Variants in PPFIA2 observed in about 807,000 individuals in gnomAD.
PPFIA2 encodes the protein PPFI scaffold protein A2.
PPFIA2 carries 46 observed loss-of-function variants against 175.5 expected under a neutral mutation model. The observed-to-expected ratio is 0.26, with a 90% CI of 0.21 to 0.34. The LOEUF is 0.34. Ranked by LOEUF, PPFIA2 falls within the 10% of genes least tolerant of loss-of-function variation. The probability of loss-of-function intolerance (pLI) is 1.00; values close to 1 mark genes in which losing one functional copy is unlikely to be tolerated. For missense variants in PPFIA2, 1,179 were observed against 1,506.1 expected (o/e 0.78, Z 3.60); for synonymous variants, 568 against 511.4 (o/e 1.11, Z -1.49).
intron 4 of PPFIA2, among the ~76,000 whole-genome samples, chr12:81,561,736 T>C (rs929678867): frequency 1.3e-5 from 2 of 152,096 alleles, no homozygotes; most frequent in African/African-American, 4.8e-5. Flanking sequence ...CGGTTTCTTA[T>C]GTGAAAGCCA....
At chr12:81,584,178 A>G (rs1461048820) in intron 4 of PPFIA2, among the ~76,000 whole-genome samples, 2 of 151,764 alleles carry the variant, frequency 1.3e-5, no homozygotes, top group African/African-American at 4.8e-5. Context: ...AGTGTATGCA[A>G]ATATTTGAAA....
chr12:81,546,059 G>C (rs2066935576), intron 4 of PPFIA2: 1 of 150,356 alleles, frequency 6.7e-6, no homozygotes, highest in South Asian at 2.1e-4. Context: ...GGGAGGCAGA[G>C]GTTGCAGTGA....
chr12:81,635,796 T>A (rs546806947), intron 4 of PPFIA2, among the ~76,000 whole-genome samples: 2 of 152,236 alleles, frequency 1.3e-5, no homozygotes, highest in Non-Finnish European at 2.9e-5. Flanking sequence ...CTAACATAAT[T>A]TCTGCCGAAG....
intron 4 of PPFIA2, among the ~76,000 whole-genome samples, chr12:81,614,732 T>C (rs1157218753): frequency 1.3e-5 from 2 of 152,188 alleles, no homozygotes; most frequent in African/African-American, 4.8e-5. Flanking sequence ...GCAATAACAA[T>C]GACCCCATAG....
At chr12:81,756,660 A>G (rs147956502) in intron 2 of PPFIA2, among the ~76,000 whole-genome samples, 1 of 152,208 alleles carries the variant, frequency 6.6e-6, no homozygotes, top group African/African-American at 2.4e-5. Flanking sequence ...GAGGGCCAAT[A>G]ATCTATGCTT....
chr12:81,427,934 G>A (rs1358531141), intron 7 of PPFIA2, among the ~76,000 whole-genome samples: 1 of 151,866 alleles, frequency 6.6e-6, no homozygotes, highest in East Asian at 1.9e-4. Flanking sequence ...ATTAGTAAAT[G>A]ATAGCTCTAT....
At chr12:81,680,183 A>G (rs2153574811) in intron 3 of PPFIA2, among the ~76,000 whole-genome samples, 1 of 152,112 alleles carries the variant, frequency 6.6e-6, no homozygotes, top group East Asian at 1.9e-4. Context: ...TAACTAGGCT[A>G]CAGAATTTAT....
At chr12:81,337,405 G>A (rs748253538) in intron 21 of PPFIA2, among the ~76,000 whole-genome samples, 47 of 152,014 alleles carry the variant, frequency 3.1e-4, no homozygotes, top group Non-Finnish European at 6.3e-4. Context: ...ACTTTGGTGG[G>A]GTTGATGAGA....
chr12:81,539,314 C>T (rs2065870435), intron 4 of PPFIA2, among the ~76,000 whole-genome samples: 1 of 151,736 alleles, frequency 6.6e-6, no homozygotes, highest in Admixed American at 6.6e-5. Flanking sequence ...GAGCCTTGGC[C>T]TACAAAATGA....
chr12:81,554,538 T>G (rs2068506819), intron 4 of PPFIA2, among the ~76,000 whole-genome samples: 1 of 152,034 alleles, frequency 6.6e-6, no homozygotes, highest in South Asian at 2.1e-4. Context: ...GATTTACATC[T>G]AATAGTTTTA....
intron 3 of PPFIA2, among the ~76,000 whole-genome samples, chr12:81,740,926 G>A (rs976454112): frequency 2.6e-5 from 4 of 152,068 alleles, no homozygotes; most frequent in African/African-American, 9.7e-5. Context: ...CAAACTGAAA[G>A]TCGGATATAG....
intron 14 of PPFIA2, among the ~76,000 whole-genome samples, chr12:81,365,242 G>C (rs1375334698): frequency 6.6e-6 from 1 of 151,776 alleles, no homozygotes; most frequent in Admixed American, 6.6e-5. Context: ...GGGTTTTGCT[G>C]ATAATGGACT....
chr12:81,702,952 A>G (rs1317573426), intron 3 of PPFIA2, among the ~76,000 whole-genome samples: 2 of 152,096 alleles, frequency 1.3e-5, no homozygotes, highest in Non-Finnish European at 2.9e-5. Flanking sequence ...CAAATCTACC[A>G]GCCTTTAATC....
At chr12:81,381,074 C>T (rs956652633) in intron 9 of PPFIA2, among the ~76,000 whole-genome samples, 7 of 151,472 alleles carry the variant, frequency 4.6e-5, no homozygotes, top group Non-Finnish European at 1.0e-4. Flanking sequence ...GTTTCATCAA[C>T]GCCATCAGTT....
At chr12:81,493,217 C>T (rs1402209933) in intron 4 of PPFIA2, among the ~76,000 whole-genome samples, 6 of 151,908 alleles carry the variant, frequency 3.9e-5, no homozygotes, top group Admixed American at 2.6e-4. Context: ...GAGAAGGGTC[C>T]AAGTTGGAGA....
intron 4 of PPFIA2, among the ~76,000 whole-genome samples, chr12:81,526,213 G>A (rs1206205671): frequency 6.6e-6 from 1 of 152,094 alleles, no homozygotes; most frequent in Non-Finnish European, 1.5e-5. Flanking sequence ...GTCAGCATAG[G>A]GATGTGATTT....
At chr12:81,524,923 A>T (rs1303735157) in intron 4 of PPFIA2, among the ~76,000 whole-genome samples, 1 of 152,180 alleles carries the variant, frequency 6.6e-6, no homozygotes, top group Non-Finnish European at 1.5e-5. Flanking sequence ...AAGAGTCTGA[A>T]ACTCCTCACC....
intron 22 of PPFIA2, among the ~76,000 whole-genome samples, chr12:81,307,950 C>G (rs1367767824): frequency 9.3e-6 from 1 of 107,688 alleles, no homozygotes; most frequent in Non-Finnish European, 2.0e-5. Flanking sequence ...ATCCTTCAGA[C>G]AGAACTCATG....
intron 28 of PPFIA2, among the ~76,000 whole-genome samples, chr12:81,276,647 T>C (rs2040606496): frequency 6.6e-6 from 1 of 152,170 alleles, no homozygotes; most frequent in Non-Finnish European, 1.5e-5. Context: ...TTAAGGTACT[T>C]CTCAACATTT....
Sources: gnomAD v4.1 joint callset for allele counts (sites outside exome capture counted in the v4.1 genomes callset) on GRCh38, gnomAD v4.1.1 for gene constraint, MANE v1.5 for transcripts, NCBI Gene and HGNC (gene_info 2026-07-23, HGNC 2026-07-21) for gene names.